The following DOCK4 variants were observed in gnomAD, a reference collection of about 807,000 sequenced individuals.
The protein encoded by DOCK4 is dedicator of cytokinesis protein 4.
A neutral mutation model predicts 268.1 loss-of-function variants in DOCK4; 97 were observed. That is an observed-to-expected ratio of 0.36 (90% CI 0.31 to 0.43). The LOEUF (loss-of-function observed/expected upper bound fraction) is 0.43. Ranked by LOEUF, DOCK4 falls within the 20% of genes least tolerant of loss-of-function variation. The pLI, the probability that DOCK4 is intolerant of heterozygous loss-of-function variation, is 1.00. For missense variants in DOCK4, 2,145 were observed against 2,455.7 expected, an observed-to-expected ratio of 0.87 and a Z score of 2.67; for synonymous variants, 954 against 887.2, an observed-to-expected ratio of 1.08 and a Z score of -1.34.
intron 23 of DOCK4, among the ~76,000 whole-genome samples, chr7:111,851,551 C>T (rs1325513302): frequency 6.6e-6 from 1 of 151,640 alleles, no homozygotes; most frequent in African/African-American, 2.4e-5. Flanking sequence ...CTCAAACTAT[C>T]AAAGGTAAGT....
chr7:111,735,259 G>GA (rs1795396945), intron 50 of DOCK4, 92 bp from the exon 51 acceptor site: 1 of 838,022 alleles, frequency 1.2e-6, no homozygotes, highest in Non-Finnish European at 1.8e-6. Context: ...TATCCAGAAT[G>GA]AAAAACTTAA....
rs137887629 is a variant in DOCK4, at chr7:111,943,817, A to G, written c.844+994T>C. Among the ~76,000 whole-genome samples, 30 of 152,354 alleles carry G rather than the reference A, an allele frequency of 2.0e-4. No individual in the cohort carries two copies. In the East Asian group the frequency reaches 5.6e-3, roughly 28 times the overall value. On this transcript the variant is annotated intron_variant, in intron 10 of 52. Transcript: ENST00000428084. The stretch of plus-strand genomic sequence containing the variant: ...TTTTTATGAGAAAAAACATACAGAA[A>G]ATCTATGCGGGAATAAAAGTATGTT...
At chr7:112,180,921 C>T (rs1335523371) in intron 1 of DOCK4, among the ~76,000 whole-genome samples, 1 of 152,156 alleles carries the variant, frequency 6.6e-6, no homozygotes, top group East Asian at 1.9e-4. Flanking sequence ...ATGATAGTTG[C>T]ATTTTTAAGG....
chr7:112,185,047 C>G (rs1018754762), intron 1 of DOCK4, among the ~76,000 whole-genome samples: 1 of 152,150 alleles, frequency 6.6e-6, no homozygotes, highest in East Asian at 1.9e-4. Flanking sequence ...AGGACCCTTC[C>G]CACACTTAAA....
intron 5 of DOCK4, among the ~76,000 whole-genome samples, chr7:111,990,778 T>C (rs1799458345): frequency 6.6e-6 from 1 of 152,232 alleles, no homozygotes; most frequent in South Asian, 2.1e-4. Context: ...AATACTCTTG[T>C]AATTAACTGC....
intron 39 of DOCK4, among the ~76,000 whole-genome samples, chr7:111,763,051 A>G (rs1292806541): frequency 1.3e-5 from 2 of 151,906 alleles, no homozygotes; most frequent in Non-Finnish European, 2.9e-5. Context: ...TACAGGCATG[A>G]GCTACCGTGC....
chr7:111,744,705 T>G (rs1336106454), intron 44 of DOCK4, among the ~76,000 whole-genome samples: 3 of 152,232 alleles, frequency 2.0e-5, no homozygotes, highest in Non-Finnish European at 4.4e-5. Context: ...TTAAAGTCAT[T>G]GCATAATCCT....
intron 1 of DOCK4, among the ~76,000 whole-genome samples, chr7:112,177,062 A>T (rs1360484290): frequency 6.6e-6 from 1 of 152,222 alleles, no homozygotes; most frequent in African/African-American, 2.4e-5. Flanking sequence ...CACTTCCAAA[A>T]ATCAAGCTCC....
intron 16 of DOCK4, among the ~76,000 whole-genome samples, chr7:111,886,532 A>ATGGTCTT (rs1289960011): frequency 6.6e-6 from 1 of 152,128 alleles, no homozygotes; most frequent in African/African-American, 2.4e-5. Flanking sequence ...ATCGAAAAGG[A>ATGGTCTT]TGGTCTTTGA....
chr7:112,128,205 A>T (rs1328535124), intron 1 of DOCK4, among the ~76,000 whole-genome samples: 1 of 152,144 alleles, frequency 6.6e-6, no homozygotes, highest in Non-Finnish European at 1.5e-5. Flanking sequence ...TAACCAGATG[A>T]CCTTCTCAGT....
chr7:111,936,899 A>C (rs1183301010), intron 11 of DOCK4, among the ~76,000 whole-genome samples: 1 of 152,188 alleles, frequency 6.6e-6, no homozygotes, highest in African/African-American at 2.4e-5. Context: ...TATCTAAATG[A>C]GCGCCGAATC....
chr7:111,745,401 G>A (rs570787542), intron 44 of DOCK4, among the ~76,000 whole-genome samples: 7 of 152,002 alleles, frequency 4.6e-5, no homozygotes, highest in South Asian at 4.1e-4. Flanking sequence ...AGTTGGCATC[G>A]GCCAGGCGCG....
intron 1 of DOCK4, among the ~76,000 whole-genome samples, chr7:112,128,233 T>C (rs1026016060): frequency 2.0e-5 from 3 of 152,198 alleles, no homozygotes; most frequent in African/African-American, 7.2e-5. Context: ...TACTCTCCCC[T>C]TAAAAACTGA....
intron 50 of DOCK4, among the ~76,000 whole-genome samples, chr7:111,735,867 C>CCAT (rs76280042): frequency 3.9e-5 from 6 of 152,142 alleles, no homozygotes; most frequent in Non-Finnish European, 8.8e-5. Context: ...ACAGACACTG[C>CCAT]CATCTGGTGG....
intron 8 of DOCK4, among the ~76,000 whole-genome samples, chr7:111,956,103 C>T (rs902962625): frequency 3.3e-5 from 5 of 152,140 alleles, no homozygotes; most frequent in African/African-American, 1.2e-4. Flanking sequence ...GCTTATCATT[C>T]TGGGAATTTA....
rs141480044 is a variant in DOCK4, at chr7:111,861,994, TTTC to T, written c.2473+1375_2473+1377del. ...GGACCTTGAGTATATCTGTGATGAA[TTTC>T]TTATTAAAAAATCTAAAGCAAGGCC... On this transcript the variant is annotated intron_variant, in intron 23 of 52. Transcript: ENST00000428084. 9.4e-3 allele frequency among the ~76,000 whole-genome samples: 1,426 copies of T among 151,980 alleles called. 26 individuals are homozygous for T. The highest frequency in any genetic ancestry group is 0.033 in the African/African-American group (1,371 of 41,446).
intron 1 of DOCK4, among the ~76,000 whole-genome samples, chr7:112,019,323 A>G (rs1038641619): frequency 4.6e-5 from 7 of 152,230 alleles, no homozygotes; most frequent in Non-Finnish European, 8.8e-5. Context: ...GCATGAAAGT[A>G]CATATAAGAT....
At chr7:112,113,183 T>G (rs1041404252) in intron 1 of DOCK4, among the ~76,000 whole-genome samples, 4 of 152,156 alleles carry the variant, frequency 2.6e-5, no homozygotes, top group Non-Finnish European at 4.4e-5. Flanking sequence ...TTCTAGCAGT[T>G]TAAAAGCCAA....
At chr7:111,871,848 G>T in intron 20 of DOCK4, 142 bp downstream of exon 20, 2 of 525,778 alleles carry the variant, frequency 3.8e-6, no homozygotes, top group Non-Finnish European at 6.4e-6. Context: ...GTGTTAGCAG[G>T]GAAGAGACTA....
Sources: allele counts gnomAD v4.1 joint callset (sites outside exome capture counted in the v4.1 genomes callset), GRCh38; gene constraint gnomAD v4.1.1; transcripts MANE v1.5; gene names NCBI Gene and HGNC (gene_info 2026-07-23, HGNC 2026-07-21).